KIF9: variants seen among roughly 807,000 people sequenced by gnomAD.
KIF9 encodes the protein kinesin family member 9, also known as kinesin-like protein KIF9.
In KIF9, 68 loss-of-function variants were observed where a neutral mutation model predicts 94.8. The ratio of observed to expected loss-of-function variants is 0.72; its 90% confidence interval spans 0.59 to 0.88. The LOEUF (loss-of-function observed/expected upper bound fraction) is 0.88. Ranked by LOEUF, KIF9 falls within the 40% of genes least tolerant of loss-of-function variation. The pLI, the probability that KIF9 is intolerant of heterozygous loss-of-function variation, is 0.00. For missense variants in KIF9, 882 were observed against 982.5 expected (o/e 0.90, Z 1.37); for synonymous variants, 343 against 362.1 (o/e 0.95, Z 0.60).
intron 1 of KIF9, among the ~76,000 whole-genome samples, chr3:47,280,264 C>T (rs1373738820): frequency 6.6e-6 from 1 of 152,218 alleles, no homozygotes; most frequent in Non-Finnish European, 1.5e-5. Flanking sequence ...TCTTCACATC[C>T]AAGGGCCCAT....
At position 47,248,464 on chromosome 3, in the gene KIF9, CAG is replaced by C. The variant is rs1559438070; in HGVS notation, c.1060-380_1060-379del. Among the ~76,000 whole-genome samples, 5 of 151,664 alleles carry C rather than the reference CAG, an allele frequency of 3.3e-5. No individual in the cohort carries two copies. In the South Asian group the frequency reaches 1.0e-3, roughly 32 times the overall value. On this transcript the variant is annotated intron_variant, in intron 10 of 20. Coordinates refer to ENST00000684063, the MANE Select transcript of KIF9 (RefSeq NM_182902.4). ...AGAATGCTTTCTTTTTTTTTTGAGA[CAG>C]AGTTTTGCTCTTGTCGCCCGGGCTG...
At chr3:47,277,525 C>A in intron 1 of KIF9, 146 bp from the exon 2 acceptor site, 1 of 613,160 alleles carries the variant, frequency 1.6e-6, no homozygotes, top group Non-Finnish European at 2.9e-6. Context: ...CCTTTTCACC[C>A]CTCAGCATTT....
In KIF9 at chr3:47,240,955, A is replaced by G; in HGVS notation, c.1770T>C (p.Ser590=). The stretch of plus-strand genomic sequence containing the variant: ...TTTCTTTGAAAATTCGGTTGATCTC[A>G]CTACCTTGCTCATTCTTAAACTCCT... ...AFEEFKNEQG[S]EINRIFKENK... is the part of the protein sequence containing the mutation. Residue 590 remains serine (S), a synonymous_variant, in exon 17 of 21, where the codon AGT becomes AGC. Transcript: ENST00000684063. The G allele has an allele frequency of 6.2e-7, 1 of 1,614,092 alleles. No individual in the cohort carries two copies. The highest frequency in any genetic ancestry group is 2.2e-5 in the East Asian group (1 of 44,880).
At chr3:47,268,776 G>T (rs1214883898) in intron 5 of KIF9, among the ~76,000 whole-genome samples, 1 of 151,802 alleles carries the variant, frequency 6.6e-6, no homozygotes, top group Non-Finnish European at 1.5e-5. Flanking sequence ...GTAGAGACAG[G>T]GTTTCGCCAT....
intron 14 of KIF9, 55 bp from the exon 15 acceptor site, chr3:47,244,979 T>C: frequency 6.2e-7 from 1 of 1,603,002 alleles, no homozygotes; most frequent in East Asian, 2.2e-5. Context: ...CTTGGACCCC[T>C]TGGGGACCCA....
At chr3:47,273,680 G>A (rs756842707) in intron 3 of KIF9, 22 bp from the exon 4 acceptor site, 1 of 1,594,484 alleles carries the variant, frequency 6.3e-7, no homozygotes, top group South Asian at 1.1e-5. Context: ...TCAAAACACG[G>A]TGACATCCAG....
At chr3:47,249,571 A>G (rs1700138735) in intron 10 of KIF9, among the ~76,000 whole-genome samples, 1 of 152,094 alleles carries the variant, frequency 6.6e-6, no homozygotes, top group African/African-American at 2.4e-5. Context: ...ATCTGCCCCC[A>G]TTACCTCTTT....
At chr3:47,248,293 G>A (rs1700055601) in intron 10 of KIF9, 3 of 574,050 alleles carry the variant, frequency 5.2e-6, no homozygotes, top group African/African-American at 3.8e-5. Context: ...GGTCTGGGAG[G>A]ACCTGAACAG....
At chr3:47,259,584 A>T (rs1033090715) in intron 9 of KIF9, among the ~76,000 whole-genome samples, 1 of 151,826 alleles carries the variant, frequency 6.6e-6, no homozygotes, top group South Asian at 2.1e-4. Flanking sequence ...GTGTAGAAAG[A>T]AGTAGACATA....
intron 10 of KIF9, among the ~76,000 whole-genome samples, chr3:47,252,753 G>A (rs532671679): frequency 1.7e-4 from 26 of 152,260 alleles, no homozygotes; most frequent in African/African-American, 6.3e-4. Context: ...GTTGGCTCAT[G>A]CTTGCAATCC....
intron 20 of KIF9, among the ~76,000 whole-genome samples, chr3:47,234,284 A>C (rs1448468602): frequency 6.8e-6 from 1 of 147,390 alleles, no homozygotes; most frequent in African/African-American, 2.5e-5. Context: ...CCGAGGCTGG[A>C]GTGTAGTGGT....
chr3:47,232,641 TG>T (rs1372994053), intron 20 of KIF9, among the ~76,000 whole-genome samples: 1 of 152,062 alleles, frequency 6.6e-6, no homozygotes, highest in East Asian at 1.9e-4. Flanking sequence ...GCAGCCTAAA[TG>T]GACTAAGCTT....
At chr3:47,250,487 T>C (rs1700200509) in intron 10 of KIF9, 1 of 403,086 alleles carries the variant, frequency 2.5e-6, no homozygotes, top group African/African-American at 2.0e-5. Context: ...ACTCCATAGA[T>C]TTTAGGTAAG....
At chr3:47,259,823 A>T (rs1441047334) in intron 9 of KIF9, among the ~76,000 whole-genome samples, 1 of 110,750 alleles carries the variant, frequency 9.0e-6, no homozygotes, top group African/African-American at 3.6e-5. Context: ...GGACACAAAA[A>T]CTGCGGAAGG....
At chr3:47,248,151 T>C (rs1559437716) in intron 10 of KIF9, 65 bp from the exon 11 acceptor site, 1 of 1,177,854 alleles carries the variant, frequency 8.5e-7, no homozygotes, top group Admixed American at 1.8e-5. Context: ...ACCCTGTCTC[T>C]TCCACAGCAA....
chr3:47,246,075 G>T, intron 13 of KIF9, 122 bp downstream of exon 13: 2 of 764,810 alleles, frequency 2.6e-6, no homozygotes, highest in Non-Finnish European at 4.4e-6. Flanking sequence ...TGCCCCCAAG[G>T]ACTCTGATTT....
intron 17 of KIF9, chr3:47,240,025 T>C: frequency 9.9e-7 from 1 of 1,013,474 alleles, no homozygotes. Flanking sequence ...TCCTGGGCCC[T>C]GCTCCATCTC....
chr3:47,233,361 C>CA (rs966425803), intron 20 of KIF9, among the ~76,000 whole-genome samples: 1,033 of 24,856 alleles, frequency 0.042, 9 homozygotes, highest in Middle Eastern at 0.05. Flanking sequence ...GACTCTGTCT[C>CA]AAAAAAAAAA....
At chr3:47,273,069 C>T (rs909924287) in intron 4 of KIF9, among the ~76,000 whole-genome samples, 6 of 152,120 alleles carry the variant, frequency 3.9e-5, no homozygotes, top group Non-Finnish European at 5.9e-5. Context: ...GCTATTGAGA[C>T]CCCCCGGGCT....
Sources: gnomAD v4.1 joint callset for allele counts (sites outside exome capture counted in the v4.1 genomes callset) on GRCh38, gnomAD v4.1.1 for gene constraint, MANE v1.5 for transcripts, NCBI Gene and HGNC (gene_info 2026-07-23, HGNC 2026-07-21) for gene names.